The following IQGAP2 variants were observed in gnomAD, a reference collection of about 807,000 sequenced individuals.
IQGAP2 encodes the protein IQ motif containing GTPase activating protein 2.
In IQGAP2, 173 loss-of-function variants were observed where a neutral mutation model predicts 201.3. The observed-to-expected ratio is 0.86, with a 90% confidence interval of 0.76 to 0.98. The LOEUF is 0.98. Ranked by LOEUF, IQGAP2 falls within the 50% of genes least tolerant of loss-of-function variation. The pLI is 0.00. For synonymous variants in IQGAP2, 675 were observed against 673.9 expected (o/e 1.00, Z -0.03); for missense variants, 1,687 against 1,864.8 (o/e 0.90, Z 1.76).
In IQGAP2 at chr5:76,494,667, GTTTTT is replaced by G. The variant is rs573601097; in HGVS notation, c.146+33000_146+33004del. Among the ~76,000 whole-genome samples, 99 of 151,800 alleles carry G rather than the reference GTTTTT, an allele frequency of 6.5e-4. 1 individual carries two copies. The highest frequency in any genetic ancestry group is 1.9e-3 in the African/African-American group (78 of 41,168). On this transcript the variant is annotated intron_variant, in intron 2 of 35. Transcript: ENST00000274364. ...AGGTTTTTAGTTTTTTGTTGTTGTT[GTTTTT>G]TGTTTTGTTTTGTTTTGTTTTGTTT...
intron 9 of IQGAP2, among the ~76,000 whole-genome samples, chr5:76,593,360 A>G (rs982748827): frequency 6.6e-6 from 1 of 151,580 alleles, no homozygotes; most frequent in African/African-American, 2.4e-5. Flanking sequence ...TGTTTGTAAG[A>G]TTTTTCTTAC....
At chr5:76,496,805 TTC>T (rs1353343127) in intron 2 of IQGAP2, among the ~76,000 whole-genome samples, 1 of 146,380 alleles carries the variant, frequency 6.8e-6, no homozygotes, top group African/African-American at 2.6e-5. Context: ...CTTTCTTTCT[TTC>T]TCTTTCTTTC....
intron 23 of IQGAP2, among the ~76,000 whole-genome samples, chr5:76,669,075 C>T (rs1009765303): frequency 2.9e-4 from 44 of 152,176 alleles, no homozygotes; most frequent in African/African-American, 1.0e-3. Context: ...ATTTTGTATG[C>T]CTGTAACAAC....
chr5:76,406,903 T>G (rs1750827816), intron 1 of IQGAP2, among the ~76,000 whole-genome samples: 1 of 152,254 alleles, frequency 6.6e-6, no homozygotes, highest in African/African-American at 2.4e-5. Context: ...TGTTTGCTTC[T>G]TTTAAAAAGT....
intron 2 of IQGAP2, among the ~76,000 whole-genome samples, chr5:76,463,079 G>C (rs1385028059): frequency 2.0e-5 from 3 of 149,346 alleles, no homozygotes; most frequent in African/African-American, 7.4e-5. Context: ...GCTGAGATCG[G>C]GCTGCTGCAC....
chr5:76,450,986 C>A (rs917250811), intron 1 of IQGAP2, among the ~76,000 whole-genome samples: 2 of 152,050 alleles, frequency 1.3e-5, no homozygotes, highest in South Asian at 2.1e-4. Flanking sequence ...TTAATAGCAC[C>A]CATCTGTTCA....
At chr5:76,502,176 AC>A (rs1429988205) in intron 2 of IQGAP2, among the ~76,000 whole-genome samples, 2 of 152,354 alleles carry the variant, frequency 1.3e-5, no homozygotes, top group African/African-American at 4.8e-5. Context: ...TGGCACAGAT[AC>A]AGTTGCTCAT....
chr5:76,693,327 AGTCT>A, intron 30 of IQGAP2, 24 bp from the exon 31 acceptor site: 1 of 1,549,484 alleles, frequency 6.5e-7, no homozygotes, highest in Non-Finnish European at 8.9e-7. Context: ...ACAGTCTGAA[AGTCT>A]GTCTCTTTCT....
At chr5:76,651,925 A>G (rs1383291525) in intron 17 of IQGAP2, among the ~76,000 whole-genome samples, 2 of 152,146 alleles carry the variant, frequency 1.3e-5, no homozygotes, top group Admixed American at 1.3e-4. Context: ...ATATACAGAC[A>G]TGAAAAGAAG....
chr5:76,480,775 AT>A (rs918909266), intron 2 of IQGAP2, among the ~76,000 whole-genome samples: 1 of 151,944 alleles, frequency 6.6e-6, no homozygotes, highest in African/African-American at 2.4e-5. Context: ...ATGTGAGAGA[AT>A]TTTTTGTGCA....
At chr5:76,695,819 T>C (rs1746678469) in intron 32 of IQGAP2, among the ~76,000 whole-genome samples, 153 bp downstream of exon 32, 2 of 146,028 alleles carry the variant, frequency 1.4e-5, no homozygotes, top group South Asian at 4.3e-4. Context: ...TTTCAAGGTT[T>C]CAAAGCAGTT....
intron 2 of IQGAP2, among the ~76,000 whole-genome samples, chr5:76,496,714 TTC>T (rs1178753226): frequency 5.6e-5 from 1 of 18,016 alleles, no homozygotes; most frequent in Non-Finnish European, 1.1e-4. Context: ...CTTTCTTTCT[TTC>T]TTTCTTTCTT....
At position 76,606,398 on chromosome 5, in the gene IQGAP2, AG is replaced by A. The variant is rs1364010375; in HGVS notation, c.1357+97del. 3 of 1,164,392 alleles carry A rather than the reference AG, an allele frequency of 2.6e-6. No homozygotes were observed. In the African/African-American group the frequency reaches 4.7e-5, roughly 18 times the overall value. The allele number at this position is 1,164,392 out of a possible 1,614,324, so 72.1% of individuals were successfully genotyped here. A position where few individuals can be genotyped will look rare whatever the true frequency, so the allele number is the denominator to read the frequency against. On this transcript the variant is annotated intron_variant, in intron 12 of 35. Coordinates refer to ENST00000274364, the MANE Select transcript of IQGAP2 (RefSeq NM_006633.5). ...GATTAGGGCTTTAAGTTTTTGCTCA[AG>A]GAACTTTGTGAGAGCAAACTCCGCT...
chr5:76,600,680 C>A, intron 10 of IQGAP2, 132 bp from the exon 11 acceptor site: 1 of 1,029,228 alleles, frequency 9.7e-7, no homozygotes, highest in Non-Finnish European at 1.4e-6. Flanking sequence ...CAGGTGGCCA[C>A]GACTCCTCTT....
intron 2 of IQGAP2, among the ~76,000 whole-genome samples, chr5:76,538,546 TAG>T (rs1423896474): frequency 1.3e-5 from 2 of 152,196 alleles, no homozygotes; most frequent in Non-Finnish European, 2.9e-5. Context: ...CCAGCTGATC[TAG>T]AGAGAGTTTA....
At position 76,611,029 on chromosome 5, in the gene IQGAP2, C is replaced by T; in HGVS notation, c.1367C>T (p.Ala456Val). The change falls in exon 13 of 36, where the codon GCT becomes GTT. Residue 456 changes from alanine (A) to valine (V), a missense_variant. Physicochemically the swap from Ala to Val is moderately conservative, Grantham distance 64. Transcript: ENST00000274364. ...QIQEENDRVV[A>V]VGYINEAIDE... ...CTTCTTCATTTTCTAGGAGTTGTAG[C>T]TGTAGGGTACATCAATGAAGCTATT... is the stretch of plus-strand genomic sequence containing the variant. The T allele has an allele frequency of 6.2e-7, 1 of 1,611,770 alleles. No homozygotes were observed. The highest frequency in any genetic ancestry group is 8.5e-7 in the Non-Finnish European group (1 of 1,178,988).
intron 29 of IQGAP2, 46 bp from the exon 30 acceptor site, chr5:76,683,730 C>T (rs1382319578): frequency 6.4e-7 from 1 of 1,564,560 alleles, no homozygotes; most frequent in Admixed American, 1.8e-5. Flanking sequence ...GTGCCATCAT[C>T]ACAAAGAGTG....
Position 76,707,464 on chromosome 5 carries a change from G to A in IQGAP2, c.*151G>A, listed in dbSNP as rs1198742426. 3.3e-6 allele frequency: 2 copies of A among 610,258 alleles called. No homozygotes were observed. Among genetic ancestry groups the A allele is most frequent in the East Asian group, 5.6e-5 (2 of 35,454 alleles). 37.8% of individuals were successfully genotyped at this position (610,258 alleles called of 1,614,324 possible). A position where few individuals can be genotyped will look rare whatever the true frequency, so the allele number is the denominator to read the frequency against. Reference sequence around the variant, plus strand: ...AAACTGTTCTGAAGAATGTACCCAGGTGCCTTTTTGCTAATTTGATACTAT... The same window carrying A: ...AAACTGTTCTGAAGAATGTACCCAGATGCCTTTTTGCTAATTTGATACTAT... On this transcript the variant is annotated 3_prime_UTR_variant, in exon 36 of 36. Transcript: ENST00000274364.
chr5:76,584,371 C>T (rs1336647758), intron 5 of IQGAP2, among the ~76,000 whole-genome samples: 2 of 152,034 alleles, frequency 1.3e-5, no homozygotes, highest in Non-Finnish European at 2.9e-5. Context: ...ATCTACTAAC[C>T]AGAAATTTGA....
Sources: gnomAD v4.1 joint callset for allele counts (sites outside exome capture counted in the v4.1 genomes callset) on GRCh38, gnomAD v4.1.1 for gene constraint, MANE v1.5 for transcripts, NCBI Gene and HGNC (gene_info 2026-07-23, HGNC 2026-07-21) for gene names.